XKR6: variants seen among roughly 807,000 people sequenced by gnomAD.
XKR6 encodes XK related 6, also known as XK-related protein 6.
In XKR6, 22 loss-of-function variants were observed where a neutral mutation model predicts 56.7. That is an observed-to-expected ratio of 0.39 (90% confidence interval 0.28 to 0.55). The LOEUF is 0.55. Ranked by LOEUF, XKR6 falls within the 20% of genes least tolerant of loss-of-function variation. The pLI is 0.66. For missense variants in XKR6, 852 were observed against 889.0 expected (o/e 0.96, Z 0.53); for synonymous variants, 524 against 387.8 (o/e 1.35, Z -4.13).
chr8:11,175,140 A>G (rs1802589188), intron 1 of XKR6: 1 of 152,482 alleles, frequency 6.6e-6, no homozygotes, highest in Non-Finnish European at 1.5e-5. Flanking sequence ...CACTTGTGAC[A>G]TTACCCAGGC....
chr8:11,123,082 C>G (rs1399499118), intron 1 of XKR6, among the ~76,000 whole-genome samples: 10 of 151,832 alleles, frequency 6.6e-5, no homozygotes, highest in Non-Finnish European at 2.9e-5. Context: ...ACTAAAAATA[C>G]AAAAAATAGC....
chr8:11,120,397 C>G (rs909302007), intron 1 of XKR6, among the ~76,000 whole-genome samples: 5 of 152,136 alleles, frequency 3.3e-5, no homozygotes, highest in Admixed American at 1.3e-4. Flanking sequence ...CAATAACAGA[C>G]AAACAGAGAG....
intron 1 of XKR6, among the ~76,000 whole-genome samples, chr8:11,098,175 G>C (rs1312442022): frequency 2.6e-5 from 4 of 152,062 alleles, no homozygotes; most frequent in Non-Finnish European, 5.9e-5. Flanking sequence ...TACCGAATTG[G>C]AATCTGCAAT....
intron 1 of XKR6, among the ~76,000 whole-genome samples, chr8:11,099,898 A>G (rs1171789897): frequency 6.6e-6 from 1 of 152,166 alleles, no homozygotes; most frequent in Non-Finnish European, 1.5e-5. Flanking sequence ...TTTAGCAGAG[A>G]TGGAGCCATA....
intron 1 of XKR6, among the ~76,000 whole-genome samples, chr8:10,976,972 C>G (rs1022194498): frequency 6.6e-6 from 1 of 152,126 alleles, no homozygotes; most frequent in African/African-American, 2.4e-5. Context: ...TGCAGGTCGT[C>G]TTCCCCAGCC....
At chr8:11,028,650 C>A (rs1798923378) in intron 1 of XKR6, among the ~76,000 whole-genome samples, 1 of 152,226 alleles carries the variant, frequency 6.6e-6, no homozygotes, top group Admixed American at 6.5e-5. Context: ...TCCAATCTCA[C>A]TGGGGTTCCT....
intron 1 of XKR6, among the ~76,000 whole-genome samples, chr8:11,136,429 G>A (rs1398446366): frequency 2.0e-5 from 3 of 151,924 alleles, no homozygotes; most frequent in Admixed American, 6.6e-5. Flanking sequence ...GCTTGAACCC[G>A]GGGGGCGGAG....
chr8:11,042,914 C>T (rs1054047079), intron 1 of XKR6, among the ~76,000 whole-genome samples: 1 of 152,162 alleles, frequency 6.6e-6, no homozygotes, highest in Non-Finnish European at 1.5e-5. Flanking sequence ...CACTCCTCTT[C>T]CTGCCAGGTC....
intron 2 of XKR6, among the ~76,000 whole-genome samples, chr8:10,901,605 G>C (rs1800038052): frequency 6.6e-6 from 1 of 152,172 alleles, no homozygotes; most frequent in African/African-American, 2.4e-5. Flanking sequence ...ATGAACATCT[G>C]GTAGGTCCTA....
intron 1 of XKR6, among the ~76,000 whole-genome samples, chr8:11,133,766 C>G (rs1800237429): frequency 6.6e-6 from 1 of 152,072 alleles, no homozygotes; most frequent in South Asian, 2.1e-4. Flanking sequence ...TGTTACTTCC[C>G]TAAGAAATGT....
At chr8:11,013,224 G>A (rs949259877) in intron 1 of XKR6, among the ~76,000 whole-genome samples, 7 of 152,188 alleles carry the variant, frequency 4.6e-5, no homozygotes, top group African/African-American at 7.2e-5. Flanking sequence ...ACCATGGCTT[G>A]GACAGGTTGA....
At chr8:11,000,726 T>C (rs894856735) in intron 1 of XKR6, among the ~76,000 whole-genome samples, 1 of 152,120 alleles carries the variant, frequency 6.6e-6, no homozygotes, top group South Asian at 2.1e-4. Context: ...TTACATGTTT[T>C]GGGGTCTCAT....
At chr8:11,195,326 C>T in intron 1 of XKR6, 1 of 594,816 alleles carries the variant, frequency 1.7e-6, no homozygotes, top group African/African-American at 1.9e-5. Flanking sequence ...GGTAGAGATT[C>T]ATTTTTTTTT....
chr8:11,031,611 C>A (rs571305486), intron 1 of XKR6, among the ~76,000 whole-genome samples: 2 of 152,168 alleles, frequency 1.3e-5, no homozygotes, highest in African/African-American at 2.4e-5. Flanking sequence ...AAGGGGCTGT[C>A]CTCTTAGCTG....
chr8:10,990,035 T>C (rs986910954), intron 1 of XKR6, among the ~76,000 whole-genome samples: 1 of 152,218 alleles, frequency 6.6e-6, no homozygotes, highest in Admixed American at 6.5e-5. Context: ...CTGCGTGTGA[T>C]CTACAATAGG....
rs867660861 is a variant in XKR6, at chr8:11,008,451, C to T, written c.765-83621G>A. On this transcript the variant is annotated intron_variant, in intron 1 of 2. Coordinates refer to ENST00000416569, the MANE Select transcript of XKR6 (RefSeq NM_173683.4). ...TTTTTTTTTTTTTTTGACAGGGTCT[C>T]GCTTTGTCACCCAGCCTGGAACGCA... Among the ~76,000 whole-genome samples, 6 of 127,644 alleles carry T rather than the reference C, an allele frequency of 4.7e-5. No individual in the cohort carries two copies. In the South Asian group the frequency reaches 7.7e-4, roughly 16 times the overall value. The allele number at this position is 127,644 out of a possible 152,430, so 83.7% of individuals were successfully genotyped here.
chr8:11,148,865 CACA>C (rs1298598761), intron 1 of XKR6, among the ~76,000 whole-genome samples: 2 of 152,268 alleles, frequency 1.3e-5, no homozygotes, highest in African/African-American at 4.8e-5. Context: ...ATTAATACCA[CACA>C]ACAACATGAA....
At chr8:11,119,987 G>A (rs373176817) in intron 1 of XKR6, among the ~76,000 whole-genome samples, 317 of 152,084 alleles carry the variant, frequency 2.1e-3, no homozygotes, top group African/African-American at 7.1e-3. Flanking sequence ...ATTCAACAAC[G>A]CTTCATGCTA....
intron 1 of XKR6, among the ~76,000 whole-genome samples, chr8:11,070,364 C>A (rs1479295133): frequency 6.6e-6 from 1 of 152,206 alleles, no homozygotes; most frequent in Non-Finnish European, 1.5e-5. Context: ...TCCTCAGTGA[C>A]TCTAAAGGAA....
Sources: gnomAD v4.1 joint callset for allele counts (sites outside exome capture counted in the v4.1 genomes callset) on GRCh38, gnomAD v4.1.1 for gene constraint, MANE v1.5 for transcripts, NCBI Gene and HGNC (gene_info 2026-07-23, HGNC 2026-07-21) for gene names.